The following AFF3 variants were observed in gnomAD, a reference collection of about 807,000 sequenced individuals.
The protein encoded by AFF3 is AF4/FMR2 family member 3.
AFF3 carries 32 observed loss-of-function variants against 129.7 expected under a neutral mutation model. The observed-to-expected ratio is 0.25, with a 90% CI of 0.19 to 0.33. AFF3 has a LOEUF of 0.33. AFF3 is among the 10% of genes least tolerant of loss of function. The pLI is 1.00. For missense variants in AFF3, 1,373 were observed against 1,592.0 expected (o/e 0.86, Z 2.34); for synonymous variants, 644 against 635.4 (o/e 1.01, Z -0.20).
chr2:99,941,944 A>AT (rs1292947123), intron 7 of AFF3, among the ~76,000 whole-genome samples: 1 of 152,168 alleles, frequency 6.6e-6, no homozygotes, highest in African/African-American at 2.4e-5. Flanking sequence ...AAAACCATTG[A>AT]TTTTCAGGTC....
chr2:99,841,215 C>T (rs1288954351), intron 7 of AFF3, among the ~76,000 whole-genome samples: 2 of 152,200 alleles, frequency 1.3e-5, no homozygotes. Flanking sequence ...AACTATCTCC[C>T]TTATAATCCT....
At chr2:99,755,193 A>C in intron 8 of AFF3, among the ~76,000 whole-genome samples, 1 of 148,660 alleles carries the variant, frequency 6.7e-6, no homozygotes, top group South Asian at 2.2e-4. Context: ...TTTTCTGTCC[A>C]CTCCACTCCT....
At chr2:100,105,450 C>T (rs1691214694) in intron 3 of AFF3, 54 bp downstream of exon 3, 1 of 1,322,242 alleles carries the variant, frequency 7.6e-7, no homozygotes, top group South Asian at 1.2e-5. Flanking sequence ...TGGTCCCACC[C>T]ACCCTCTAGC....
intron 15 of AFF3, among the ~76,000 whole-genome samples, chr2:99,589,390 T>C (rs6716694): frequency 0.5 from 72,863 of 146,308 alleles, 18,253 homozygotes; most frequent in East Asian, 0.66. Flanking sequence ...CCTGCAAAGA[T>C]GTCAACATTT....
intron 7 of AFF3, among the ~76,000 whole-genome samples, chr2:99,970,961 C>T (rs561723021): frequency 4.6e-5 from 7 of 152,204 alleles, no homozygotes; most frequent in Non-Finnish European, 8.8e-5. Context: ...GTCTATAATA[C>T]GAGCATTGAA....
intron 8 of AFF3, among the ~76,000 whole-genome samples, chr2:99,772,038 T>C (rs1027443848): frequency 3.9e-5 from 6 of 152,370 alleles, no homozygotes; most frequent in South Asian, 4.1e-4. Context: ...GCGGTATTCC[T>C]GCCTTCTTGG....
rs367768868 is a variant in AFF3 at position 99,648,881 on chromosome 2, G to GCACACACACACACACA, written c.1184+744_1184+745insTGTGTGTGTGTGTGTG. On this transcript the variant is annotated intron_variant, in intron 13 of 24. Coordinates refer to ENST00000672756, the MANE Select transcript of AFF3 (RefSeq NM_001386135.1). The stretch of plus-strand genomic sequence containing the variant: ...ACCTCCTGACAGTTCCTCAAAACAC[G>GCACACACACACACACA]CGCGCACACACACACACACACACAC... Among the ~76,000 whole-genome samples, 623 of 64,650 alleles carry GCACACACACACACACA rather than the reference G, an allele frequency of 9.6e-3. 41 individuals are homozygous for GCACACACACACACACA. The highest frequency in any genetic ancestry group is 0.01 in the South Asian group (12 of 1,164). The allele number at this position is 64,650 out of a possible 152,430, so 42.4% of individuals were successfully genotyped here. A position where few individuals can be genotyped will look rare whatever the true frequency, so the allele number is the denominator to read the frequency against.
At chr2:100,083,249 T>C (rs1029127861) in intron 4 of AFF3, among the ~76,000 whole-genome samples, 3 of 152,250 alleles carry the variant, frequency 2.0e-5, no homozygotes, top group Non-Finnish European at 4.4e-5. Context: ...TACGAGGAAG[T>C]CTAGGTCAAT....
chr2:99,562,598 A>G (rs1399182554), intron 20 of AFF3, among the ~76,000 whole-genome samples: 1 of 152,226 alleles, frequency 6.6e-6, no homozygotes, highest in African/African-American at 2.4e-5. Flanking sequence ...CTGCTTTAAA[A>G]ATCCTTGTCA....
intron 7 of AFF3, among the ~76,000 whole-genome samples, chr2:100,000,887 C>T (rs947473271): frequency 1.3e-5 from 2 of 152,210 alleles, no homozygotes; most frequent in Non-Finnish European, 2.9e-5. Context: ...ATCTGAAAGA[C>T]TGCACAAGAT....
chr2:99,673,627 C>G (rs1687359581), intron 11 of AFF3, among the ~76,000 whole-genome samples: 1 of 152,212 alleles, frequency 6.6e-6, no homozygotes, highest in Non-Finnish European at 1.5e-5. Context: ...CCCTGGGGCT[C>G]CATACATCAG....
At chr2:99,916,131 A>C (rs1254944923) in intron 7 of AFF3, among the ~76,000 whole-genome samples, 1 of 152,162 alleles carries the variant, frequency 6.6e-6, no homozygotes, top group Non-Finnish European at 1.5e-5. Context: ...TAACAAATCA[A>C]AATTCAGCGT....
At chr2:99,606,302 T>C (rs1489993236) in intron 13 of AFF3, among the ~76,000 whole-genome samples, 2 of 152,192 alleles carry the variant, frequency 1.3e-5, no homozygotes, top group Non-Finnish European at 2.9e-5. Context: ...CCTGAAATGA[T>C]AACACGGATT....
At chr2:99,906,760 G>A (rs1245841814) in intron 7 of AFF3, among the ~76,000 whole-genome samples, 5 of 151,926 alleles carry the variant, frequency 3.3e-5, no homozygotes, top group South Asian at 2.1e-4. Context: ...GCCTGTCCAC[G>A]GCTTTTGGAC....
intron 12 of AFF3, among the ~76,000 whole-genome samples, chr2:99,651,129 C>T (rs373049619): frequency 1.6e-4 from 24 of 147,674 alleles, no homozygotes; most frequent in Admixed American, 2.7e-4. Context: ...GCTGAGATCG[C>T]GCCATTGTAC....
chr2:100,030,078 T>G (rs1194754259), intron 4 of AFF3, among the ~76,000 whole-genome samples: 1 of 149,672 alleles, frequency 6.7e-6, no homozygotes, highest in Non-Finnish European at 1.5e-5. Context: ...ATAATAATAA[T>G]AATAATAATA....
At chr2:99,686,841 C>T (rs942413121) in intron 11 of AFF3, among the ~76,000 whole-genome samples, 1 of 152,210 alleles carries the variant, frequency 6.6e-6, no homozygotes, top group African/African-American at 2.4e-5. Flanking sequence ...GCAGCATGGT[C>T]CCTAAAGGGC....
intron 2 of AFF3, chr2:100,107,635 G>A (rs1225933104): frequency 2.3e-6 from 1 of 434,508 alleles, no homozygotes; most frequent in Non-Finnish European, 3.1e-6. Context: ...GGGGAGGGCT[G>A]CTGGGGGAAG....
At chr2:99,956,506 C>T (rs886822517) in intron 7 of AFF3, among the ~76,000 whole-genome samples, 1 of 152,124 alleles carries the variant, frequency 6.6e-6, no homozygotes, top group Middle Eastern at 3.2e-3. Flanking sequence ...AGCCTAACAT[C>T]CAGTTTTTAC....
Sources: allele counts gnomAD v4.1 joint callset (sites outside exome capture counted in the v4.1 genomes callset), GRCh38; gene constraint gnomAD v4.1.1; transcripts MANE v1.5; gene names NCBI Gene and HGNC (gene_info 2026-07-23, HGNC 2026-07-21).